Variants in CYP4F11 observed in about 807,000 individuals in gnomAD.
CYP4F11 encodes cytochrome P450 family 4 subfamily F member 11, also known as cytochrome P450 4F11.
CYP4F11 carries 79 observed loss-of-function variants against 62.2 expected under a neutral mutation model. The ratio of observed to expected loss-of-function variants is 1.27; its 90% CI spans 1.06 to 1.53. The LOEUF (loss-of-function observed/expected upper bound fraction) is 1.53. Among genes scored for constraint, CYP4F11 ranks in the 40% most tolerant of loss-of-function variants. The probability of loss-of-function intolerance (pLI) is 0.00; values close to 1 mark genes in which losing one functional copy is unlikely to be tolerated. For synonymous variants in CYP4F11, 290 were observed against 263.7 expected (o/e 1.10, Z -0.97); for missense variants, 777 against 680.5 (o/e 1.14, Z -1.58).
chr19:15,917,523 G>A (rs2089592321), intron 8 of CYP4F11, among the ~76,000 whole-genome samples: 1 of 152,130 alleles, frequency 6.6e-6, no homozygotes, highest in Admixed American at 6.5e-5. Flanking sequence ...AGGGAGCTCA[G>A]AGACAGATAT....
rs544023610 is a variant in CYP4F11 at position 15,913,503 on chromosome 19, T to C, written c.*229A>G. On this transcript the variant is annotated 3_prime_UTR_variant, in exon 12 of 12. Transcript: ENST00000402119. ...ACTGCCCACAGGATAAAGTTTTTAC[T>C]TGGGCTCTGGGAGAACCCACTAAGG... The C allele has an allele frequency of 8.8e-6, 5 of 568,502 alleles. No homozygotes were observed. The highest frequency in any genetic ancestry group is 2.0e-5 in the South Asian group (1 of 50,192). The allele number at this position is 568,502 out of a possible 1,614,324, so 35.2% of individuals were successfully genotyped here.
rs1395944138 is a variant in CYP4F11, at chr19:15,913,811, C to T, written c.1496G>A (p.Arg499His). The change falls in exon 12 of 12, where the codon CGC becomes CAC. Residue 499 changes from arginine (R) to histidine (H), a missense_variant. By Grantham distance (29) the Arg-to-His change is conservative. Transcript: ENST00000402119. The part of the protein sequence containing the change: ...FRILPTHTEP[R>H]RKPELILRAE... ...GCGCAATATCAGCTCGGGTTTCCTG[C>T]GGGGTTCAGTGTGGGTCGGCAGGAT... 6 of 1,614,044 alleles carry T rather than the reference C, an allele frequency of 3.7e-6. No individual in the cohort carries two copies. The highest frequency in any genetic ancestry group is 1.1e-5 in the South Asian group (1 of 91,070).
intron 10 of CYP4F11, 25 bp from the exon 11 acceptor site, chr19:15,914,412 G>T (rs774313009): frequency 6.2e-7 from 1 of 1,607,344 alleles, no homozygotes; most frequent in East Asian, 2.2e-5. Context: ...AAGAAGGCTT[G>T]CTGGGTGGGG....
chr19:15,929,301 T>C (rs76988759), intron 2 of CYP4F11, among the ~76,000 whole-genome samples, 156 bp downstream of exon 2: 4,185 of 150,606 alleles, frequency 0.028, 205 homozygotes, highest in African/African-American at 0.098. Flanking sequence ...ACATGGGGGG[T>C]TCGTGAATAC....
chr19:15,916,516 A>G (rs1389218229), intron 8 of CYP4F11, among the ~76,000 whole-genome samples: 1 of 152,212 alleles, frequency 6.6e-6, no homozygotes, highest in Non-Finnish European at 1.5e-5. Context: ...AAATATTTGC[A>G]AATTATGCAT....
intron 8 of CYP4F11, among the ~76,000 whole-genome samples, chr19:15,919,830 ACAAATAG>A (rs1360829988): frequency 6.6e-6 from 1 of 152,202 alleles, no homozygotes; most frequent in Non-Finnish European, 1.5e-5. Flanking sequence ...GCACAAGAAG[ACAAATAG>A]CAAATGATCT....
intron 4 of CYP4F11, 106 bp downstream of exon 4, chr19:15,927,106 G>A (rs1434820398): frequency 6.1e-6 from 8 of 1,307,428 alleles, no homozygotes; most frequent in Non-Finnish European, 7.4e-6. Context: ...AAGGCTCAGA[G>A]AGGAAGAGCA....
intron 8 of CYP4F11, among the ~76,000 whole-genome samples, chr19:15,916,579 G>A (rs569782399): frequency 6.6e-6 from 1 of 151,952 alleles, no homozygotes; most frequent in Admixed American, 6.6e-5. Context: ...AAATCAGCAA[G>A]CAAAAAATCA....
At chr19:15,920,587 A>G (rs4503923) in intron 8 of CYP4F11, among the ~76,000 whole-genome samples, 85,145 of 152,014 alleles carry the variant, frequency 0.56, 24,190 homozygotes, top group Non-Finnish European at 0.61. Flanking sequence ...ATGTAAGGGC[A>G]CTACCTTCAA....
rs773843137 is a variant in CYP4F11 at position 15,934,324 on chromosome 19, A to G, written c.85T>C (p.Trp29Arg). 4 of 1,613,406 alleles carry G rather than the reference A, an allele frequency of 2.5e-6. No individual in the cohort carries two copies. The highest frequency in any genetic ancestry group is 1.1e-5 in the South Asian group (1 of 91,054). Residue 29 changes from tryptophan to arginine, a missense_variant, in exon 1 of 12, where the codon TGG (tryptophan) becomes CGG (arginine). Transcript: ENST00000402119. ...WLLLLLVGGS[W>R]LLARVLAWTY... The stretch of plus-strand genomic sequence containing the variant: ...CAGGCCAGGACGCGGGCCAGGAGCC[A>G]GGAGCCTCCAACCAGCAGCAGAAGC...
chr19:15,918,478 A>G (rs781126985), intron 8 of CYP4F11, among the ~76,000 whole-genome samples: 134 of 152,308 alleles, frequency 8.8e-4, no homozygotes, highest in Non-Finnish European at 1.6e-3. Context: ...CTCTTGGCGA[A>G]GTTATGGGAA....
chr19:15,931,065 C>G lies in CYP4F11; in HGVS notation c.199-1464G>C, dbSNP rs372597883. On this transcript the variant is annotated intron_variant, in intron 1 of 11. Transcript: ENST00000402119. ...AGTCGGAGGCCAAGGTCTGCGGAGT[C>G]AAGGACAGCTTCTGAAAAGAGAAGG... Among the ~76,000 whole-genome samples the G allele has an allele frequency of 6.6e-5, 10 of 152,282 alleles. No individual in the cohort carries two copies. The East Asian group carries it at 1.4e-3, about 21-fold the overall frequency.
chr19:15,919,110 CAT>C (rs985494575), intron 8 of CYP4F11, among the ~76,000 whole-genome samples: 3 of 147,026 alleles, frequency 2.0e-5, no homozygotes, highest in African/African-American at 7.5e-5. Flanking sequence ...ATTAAATAAA[CAT>C]ATTAATAACA....
chr19:15,922,006 A>AGATC, intron 8 of CYP4F11, 31 bp downstream of exon 8: 1 of 1,536,936 alleles, frequency 6.5e-7, no homozygotes, highest in Non-Finnish European at 8.7e-7. Context: ...CAATGACAAA[A>AGATC]GATCAGGAAC....
At chr19:15,922,303 A>G in intron 7 of CYP4F11, 61 bp downstream of exon 7, 7 of 1,608,232 alleles carry the variant, frequency 4.4e-6, no homozygotes, top group East Asian at 2.2e-5. Context: ...GGGTCCACCC[A>G]CTACGTTCCT....
rs999296001 is a variant in CYP4F11 at position 15,929,393 on chromosome 19, G to A, written c.343+64C>T. On this transcript the variant is annotated intron_variant, in intron 2 of 11. Coordinates refer to ENST00000402119, the MANE Select transcript of CYP4F11 (RefSeq NM_021187.4). ...CAGGGGCCACACAGAAGCTTGGGGA[G>A]GGGAGAGGCTAGAAGGCCTTTGATG... is the stretch of plus-strand genomic sequence containing the variant. The A allele has an allele frequency of 5.2e-5, 84 of 1,604,622 alleles. No homozygotes were observed. The East Asian group carries it at 1.8e-3, about 34-fold the overall frequency.
chr19:15,922,069 A>G lies in CYP4F11; in HGVS notation c.1083T>C (p.Leu361=). Residue 361 remains leucine, a synonymous_variant, in exon 8 of 12, where the codon CTT becomes CTC. Transcript: ENST00000402119. ...TCTCTATAGGTTCACGGTCCTTCAG[A>G]AGCTCTTGCACTTCTTGCCGGCACT... ...QEQCRQEVQE[L]LKDREPIEIE... is the part of the protein sequence containing the mutation. 6.2e-7 allele frequency: 1 copy of G among 1,613,562 alleles called. No individual in the cohort carries two copies. Among genetic ancestry groups the G allele is most frequent in the Non-Finnish European group, 8.5e-7 (1 of 1,179,688 alleles).
intron 1 of CYP4F11, among the ~76,000 whole-genome samples, chr19:15,930,926 C>A (rs2089709383): frequency 6.6e-6 from 1 of 152,244 alleles, no homozygotes; most frequent in African/African-American, 2.4e-5. Flanking sequence ...AGGCCAGGCT[C>A]TGTGCTAGTG....
intron 1 of CYP4F11, among the ~76,000 whole-genome samples, chr19:15,930,218 G>T (rs1014954188): frequency 3.9e-5 from 6 of 152,260 alleles, no homozygotes; most frequent in Admixed American, 2.0e-4. Flanking sequence ...TCTGCCCTGA[G>T]CATCGTGTCT....
Sources: gnomAD v4.1 joint callset for allele counts (sites outside exome capture counted in the v4.1 genomes callset) on GRCh38, gnomAD v4.1.1 for gene constraint, MANE v1.5 for transcripts, NCBI Gene and HGNC (gene_info 2026-07-23, HGNC 2026-07-21) for gene names.